Variants in PALS1 observed in about 807,000 individuals in gnomAD.
The protein encoded by PALS1 is protein associated with LIN7 1, MAGUK p55 family member.
Under a neutral mutation model 78.9 loss-of-function variants are expected in PALS1, and 31 were observed. That is an observed-to-expected ratio of 0.39 (90% CI 0.30 to 0.53). The LOEUF is 0.53. PALS1 is among the 20% of genes least tolerant of loss of function. The probability of loss-of-function intolerance (pLI) is 0.67; values close to 1 mark genes in which losing one functional copy is unlikely to be tolerated. For missense variants in PALS1, 704 were observed against 826.5 expected (o/e 0.85, Z 1.82); for synonymous variants, 276 against 270.9 (o/e 1.02, Z -0.18).
intron 1 of PALS1, among the ~76,000 whole-genome samples, chr14:67,268,668 C>T (rs72717371): frequency 0.051 from 7,692 of 152,232 alleles, 213 homozygotes; most frequent in East Asian, 0.06. Flanking sequence ...AGCATGCTAA[C>T]GCATTATAAT....
chr14:67,269,595 A>G (rs1363670152), intron 1 of PALS1, 106 bp from the exon 2 acceptor site: 1 of 152,582 alleles, frequency 6.6e-6, no homozygotes, highest in Non-Finnish European at 1.5e-5. Flanking sequence ...CTATCTGCAG[A>G]CAGAATTGGT....
At chr14:67,327,934 A>G (rs2085384073) in intron 14 of PALS1, among the ~76,000 whole-genome samples, 1 of 152,226 alleles carries the variant, frequency 6.6e-6, no homozygotes, top group Non-Finnish European at 1.5e-5. Flanking sequence ...ATAGTGCTGC[A>G]GTCAATGTAC....
rs1237840790 is a variant in PALS1, at chr14:67,302,136, T to A, written c.801+18T>A. ...TTCCGTTGGTAAGTGTCCCACATAC[T>A]GTTTTTAAACAAGTGCATTTTTCTG... On this transcript the variant is annotated intron_variant, in intron 6 of 14. Coordinates refer to ENST00000261681, the MANE Select transcript of PALS1 (RefSeq NM_022474.4). 2 of 1,581,372 alleles carry A rather than the reference T, an allele frequency of 1.3e-6. No individual in the cohort carries two copies. Among genetic ancestry groups the A allele is most frequent in the African/African-American group, 2.7e-5 (2 of 73,200 alleles).
At chr14:67,253,953 A>ATTT (rs1555516829) in intron 1 of PALS1, among the ~76,000 whole-genome samples, 3 of 138,708 alleles carry the variant, frequency 2.2e-5, no homozygotes, top group East Asian at 2.3e-4. Flanking sequence ...TTGTGTTAAT[A>ATTT]TTTTGTTTTG....
intron 1 of PALS1, among the ~76,000 whole-genome samples, chr14:67,259,862 T>C (rs1346359058): frequency 2.0e-5 from 3 of 149,052 alleles, no homozygotes; most frequent in African/African-American, 7.5e-5. Flanking sequence ...CAGTGAGCTA[T>C]GATTGTGCTC....
intron 4 of PALS1, among the ~76,000 whole-genome samples, chr14:67,295,540 A>T (rs2084836124): frequency 6.6e-6 from 1 of 151,184 alleles, no homozygotes; most frequent in Admixed American, 6.6e-5. Context: ...CTACTCGGTT[A>T]AAAAAAAATT....
At chr14:67,330,633 T>C (rs2085433857) in intron 14 of PALS1, among the ~76,000 whole-genome samples, 1 of 152,074 alleles carries the variant, frequency 6.6e-6, no homozygotes, top group South Asian at 2.1e-4. Context: ...TAATTTTGTA[T>C]TTTTAGTAGA....
intron 9 of PALS1, among the ~76,000 whole-genome samples, chr14:67,315,149 A>G (rs1273221017): frequency 1.3e-5 from 2 of 152,106 alleles, no homozygotes; most frequent in South Asian, 2.1e-4. Flanking sequence ...AGAATAGCCT[A>G]TAGTTCATAC....
chr14:67,243,611 G>A (rs1438158467), intron 1 of PALS1, among the ~76,000 whole-genome samples: 1 of 149,470 alleles, frequency 6.7e-6, no homozygotes, highest in Non-Finnish European at 1.5e-5. Flanking sequence ...TTCTGCCTCA[G>A]CCTCCCGAGT....
chr14:67,309,776 G>A (rs1443436345), intron 8 of PALS1, among the ~76,000 whole-genome samples: 3 of 152,120 alleles, frequency 2.0e-5, no homozygotes, highest in South Asian at 4.1e-4. Flanking sequence ...AGTCTGAGGT[G>A]CGGCATGAGA....
chr14:67,291,796 G>T (rs2084777670), intron 3 of PALS1, among the ~76,000 whole-genome samples: 1 of 152,214 alleles, frequency 6.6e-6, no homozygotes, highest in South Asian at 2.1e-4. Context: ...TCAAATAAAT[G>T]GAAGATTTTT....
Position 67,279,404 on chromosome 14 carries a change from A to G in PALS1, c.234A>G (p.Glu78=), listed in dbSNP as rs746772746. 3.1e-6 allele frequency: 5 copies of G among 1,614,004 alleles called. No homozygotes were observed. The highest frequency in any genetic ancestry group is 1.7e-4 in the Middle Eastern group (1 of 6,058). Residue 78 remains glutamate (E), a synonymous_variant, in exon 3 of 15, where the codon GAA becomes GAG. Coordinates refer to ENST00000261681, the MANE Select transcript of PALS1 (RefSeq NM_022474.4). ...GAGAGGAAGAAGGGAAAAAGCAAGAACTTGACCTTAATTCTTCCATGAGAC... is the reference window on the plus strand; with the variant it reads ...GAGAGGAAGAAGGGAAAAAGCAAGAGCTTGACCTTAATTCTTCCATGAGAC... The part of the protein sequence containing the change: ...RRREEEGKKQ[E]LDLNSSMRLK...
At chr14:67,271,528 C>T (rs1420731599) in intron 2 of PALS1, 1 of 152,152 alleles carries the variant, frequency 6.6e-6, no homozygotes, top group Non-Finnish European at 1.5e-5. Context: ...AAGAATGTGA[C>T]AGGGATTATA....
rs190335048 is a variant in PALS1 at position 67,269,783 on chromosome 14, T to C, written c.-154T>C. On this transcript the variant is annotated splice_region_variant and 5_prime_UTR_variant, in exon 2 of 15. Transcript: ENST00000261681. ...GAAAAGGCTTTTCCAGTTTGCATAA[T>C]GTAAGTTCTTTTCACTTTTCTTGGC... 2.0e-5 allele frequency: 3 copies of C among 152,752 alleles called. No individual in the cohort carries two copies. Among genetic ancestry groups the C allele is most frequent in the South Asian group, 2.1e-4 (1 of 4,832 alleles). 9.5% of individuals were successfully genotyped at this position (152,752 alleles called of 1,614,324 possible).
chr14:67,296,878 C>T (rs780769338), intron 4 of PALS1, among the ~76,000 whole-genome samples: 7 of 152,192 alleles, frequency 4.6e-5, no homozygotes, highest in Non-Finnish European at 1.0e-4. Context: ...GGGACTCAAA[C>T]TCTTGGGCTC....
At chr14:67,257,958 A>C (rs574612643) in intron 1 of PALS1, among the ~76,000 whole-genome samples, 1 of 152,184 alleles carries the variant, frequency 6.6e-6, no homozygotes, top group Non-Finnish European at 1.5e-5. Context: ...CAAGGTAGTG[A>C]ATATTTGCAT....
chr14:67,260,412 A>G (rs763357216), intron 1 of PALS1, among the ~76,000 whole-genome samples: 8 of 152,250 alleles, frequency 5.3e-5, no homozygotes, highest in Non-Finnish European at 1.0e-4. Flanking sequence ...ATATTTGTAT[A>G]TAGCACAATA....
chr14:67,253,838 CAAAAAGAAAAAAAA>C (rs1264888016), intron 1 of PALS1, among the ~76,000 whole-genome samples: 19 of 133,108 alleles, frequency 1.4e-4, no homozygotes, highest in Non-Finnish European at 4.7e-5. Context: ...GACCCTGTCT[CAAAAAGAAAAAAAA>C]AAAAAGACAT....
rs750940448 is a variant in PALS1, at chr14:67,302,496, T to C, written c.888T>C (p.His296=). ...CTGCAGAGAAAAGTGGTCTGTTGCATGAAGGAGATGAAGTTCTAGAGATTA... is the reference window on the plus strand; with the variant it reads ...CTGCAGAGAAAAGTGGTCTGTTGCACGAAGGAGATGAAGTTCTAGAGATTA... ...GGAAEKSGLL[H]EGDEVLEING... The change falls in exon 7 of 15, where the codon CAT becomes CAC. Residue 296 remains histidine, a synonymous_variant. Coordinates refer to ENST00000261681, the MANE Select transcript of PALS1 (RefSeq NM_022474.4). 13 of 1,597,272 alleles carry C rather than the reference T, an allele frequency of 8.1e-6. No homozygotes were observed. The highest frequency in any genetic ancestry group is 1.0e-5 in the Non-Finnish European group (12 of 1,172,256).
Sources: allele counts gnomAD v4.1 joint callset (sites outside exome capture counted in the v4.1 genomes callset), GRCh38; gene constraint gnomAD v4.1.1; transcripts MANE v1.5; gene names NCBI Gene and HGNC (gene_info 2026-07-23, HGNC 2026-07-21).